Variants in GLIS3 observed in about 807,000 individuals in gnomAD.
GLIS3 encodes the protein zinc finger protein GLIS3.
A neutral mutation model predicts 78.6 loss-of-function variants in GLIS3; 53 were observed. The observed-to-expected ratio is 0.67, with a 90% CI of 0.54 to 0.85. The LOEUF is 0.85. Among genes scored for constraint, GLIS3 ranks in the 40% least tolerant of loss-of-function variants. GLIS3 has a pLI of 0.00. For synonymous variants in GLIS3, 684 were observed against 509.9 expected, an observed-to-expected ratio of 1.34 and a Z score of -4.60; for missense variants, 1,703 against 1,231.1, an observed-to-expected ratio of 1.38 and a Z score of -5.74.
chr9:3,833,356 T>A (rs972067192), intron 9 of GLIS3, among the ~76,000 whole-genome samples: 1 of 152,206 alleles, frequency 6.6e-6, no homozygotes. Context: ...CAACACTTTT[T>A]AAAAAATTCC....
chr9:4,475,330 G>T, the GLIS3 span, among the ~76,000 whole-genome samples: 7 of 152,156 alleles, frequency 4.6e-5, no homozygotes, highest in Admixed American at 4.6e-4. Flanking sequence ...CTATCCAAAT[G>T]CCCATTAAAT....
At chr9:4,421,564 G>T in the GLIS3 span, among the ~76,000 whole-genome samples, 1 of 152,166 alleles carries the variant, frequency 6.6e-6, no homozygotes, top group African/African-American at 2.4e-5. Flanking sequence ...GGCACTCAAT[G>T]GATTTCACCA....
In GLIS3 at chr9:4,218,289, CT is replaced by C. The variant is rs548990394; in HGVS notation, c.388+67748del. On this transcript the variant is annotated intron_variant, in intron 2 of 10. Coordinates refer to ENST00000381971, the MANE Select transcript of GLIS3 (RefSeq NM_001042413.2). ...TCTAAACCAGAGCTGTTTGGTTGAA[CT>C]TTTTTTTTTTTGAGATGGAGTCTCG... 5.5e-3 allele frequency among the ~76,000 whole-genome samples: 813 copies of C among 149,138 alleles called. 7 individuals are homozygous for C. Among genetic ancestry groups the C allele is most frequent in the Non-Finnish European group, 8.9e-3 (598 of 67,022 alleles).
At position 3,905,147 on chromosome 9, in the gene GLIS3, TC is replaced by T. The variant is rs199546430; in HGVS notation, c.1984-6313del. ...GCCGCCACGCCCGGTTAAATTTTTTTCTTTTTTTTTTTTTTGCTATTTTTAG... is the reference window on the plus strand; with the variant it reads ...GCCGCCACGCCCGGTTAAATTTTTTTTTTTTTTTTTTTTTGCTATTTTTAG... On this transcript the variant is annotated intron_variant, in intron 6 of 10. Coordinates refer to ENST00000381971, the MANE Select transcript of GLIS3 (RefSeq NM_001042413.2). Among the ~76,000 whole-genome samples, 1,293 of 134,440 alleles carry T rather than the reference TC, an allele frequency of 9.6e-3. 28 individuals are homozygous for T. The highest frequency in any genetic ancestry group is 0.033 in the African/African-American group (1,079 of 32,336). 88.2% of individuals were successfully genotyped at this position (134,440 alleles called of 152,430 possible).
chr9:4,283,424 C>A (rs1176743953), intron 2 of GLIS3, among the ~76,000 whole-genome samples: 2 of 152,124 alleles, frequency 1.3e-5, no homozygotes, highest in African/African-American at 4.8e-5. Context: ...CACCACCACA[C>A]CCGGCTCATT....
chr9:4,359,169 T>C, the GLIS3 span, among the ~76,000 whole-genome samples: 1 of 152,254 alleles, frequency 6.6e-6, no homozygotes, highest in East Asian at 1.9e-4. Flanking sequence ...TTCCAGTATG[T>C]CCCACACCCT....
At chr9:3,909,535 A>G (rs1489383166) in intron 6 of GLIS3, among the ~76,000 whole-genome samples, 1 of 152,180 alleles carries the variant, frequency 6.6e-6, no homozygotes, top group Non-Finnish European at 1.5e-5. Context: ...GAACATCTGT[A>G]TAGGGGATAC....
At chr9:4,224,202 C>T in intron 2 of GLIS3, among the ~76,000 whole-genome samples, 1 of 152,152 alleles carries the variant, frequency 6.6e-6, no homozygotes, top group East Asian at 1.9e-4. Context: ...CACTCAACTC[C>T]TATAGGGCTC....
intron 4 of GLIS3, among the ~76,000 whole-genome samples, chr9:4,063,949 T>C (rs998599185): frequency 5.3e-5 from 8 of 152,162 alleles, no homozygotes; most frequent in African/African-American, 1.9e-4. Context: ...GATCACAAAA[T>C]TTCCTGTTTA....
rs147334624 is a variant in GLIS3, at chr9:4,221,759, C to T, written c.388+64279G>A. ...GAGCAGAAATGGTGGAGAAAAGCAC[C>T]GTGTGCCTCCAATGAAAGAAAGAGG... On this transcript the variant is annotated intron_variant, in intron 2 of 10. Transcript: ENST00000381971. Among the ~76,000 whole-genome samples, 880 of 152,252 alleles carry T rather than the reference C, an allele frequency of 5.8e-3. 9 individuals carry two copies. The highest frequency in any genetic ancestry group is 0.02 in the African/African-American group (827 of 41,536).
At chr9:4,032,732 AG>A (rs1823953295) in intron 4 of GLIS3, among the ~76,000 whole-genome samples, 1 of 151,390 alleles carries the variant, frequency 6.6e-6, no homozygotes, top group Admixed American at 6.5e-5. Context: ...CTATGCCATG[AG>A]GTTTCTGCTT....
chr9:4,447,533 G>C, the GLIS3 span, among the ~76,000 whole-genome samples: 1 of 152,060 alleles, frequency 6.6e-6, no homozygotes, highest in Admixed American at 6.6e-5. Context: ...ACAGGTACTT[G>C]TTTTATACCT....
chr9:4,032,923 G>T (rs1025448108), intron 4 of GLIS3, among the ~76,000 whole-genome samples: 3 of 151,286 alleles, frequency 2.0e-5, no homozygotes, highest in Admixed American at 2.0e-4. Flanking sequence ...GCGCAATCTC[G>T]GCTCACTGCA....
chr9:4,194,613 C>G (rs558393402), intron 2 of GLIS3, among the ~76,000 whole-genome samples: 3 of 152,176 alleles, frequency 2.0e-5, no homozygotes, highest in East Asian at 1.9e-4. Flanking sequence ...AATGGAAGCC[C>G]AGCAGAATCA....
chr9:4,216,199 A>G (rs986285166), intron 2 of GLIS3, among the ~76,000 whole-genome samples: 6 of 152,244 alleles, frequency 3.9e-5, no homozygotes, highest in East Asian at 3.9e-4. Context: ...GAGGCCAGGC[A>G]CGGTGGCTCA....
chr9:4,411,577 G>C, the GLIS3 span, among the ~76,000 whole-genome samples: 1 of 152,058 alleles, frequency 6.6e-6, no homozygotes, highest in African/African-American at 2.4e-5. Context: ...TTTTCCCTTT[G>C]GTCCCATCTT....
chr9:4,398,535 C>T, the GLIS3 span, among the ~76,000 whole-genome samples: 1 of 151,974 alleles, frequency 6.6e-6, no homozygotes, highest in East Asian at 1.9e-4. Flanking sequence ...CCTCCTTCTT[C>T]TTTCTTCTTC....
chr9:4,314,021 T>A (rs2130532885), intron 2 of GLIS3, among the ~76,000 whole-genome samples: 1 of 152,336 alleles, frequency 6.6e-6, no homozygotes, highest in Non-Finnish European at 1.5e-5. Context: ...AAAAATGTAG[T>A]TAGCCATATT....
At chr9:3,970,791 T>C (rs1219607086) in intron 4 of GLIS3, among the ~76,000 whole-genome samples, 1 of 152,174 alleles carries the variant, frequency 6.6e-6, no homozygotes, top group Non-Finnish European at 1.5e-5. Flanking sequence ...TATCCTAGTG[T>C]GAAGCTGGCA....
Sources: gnomAD v4.1 joint callset for allele counts (sites outside exome capture counted in the v4.1 genomes callset) on GRCh38, gnomAD v4.1.1 for gene constraint, MANE v1.5 for transcripts, NCBI Gene and HGNC (gene_info 2026-07-23, HGNC 2026-07-21) for gene names.